The following KIF26B variants were observed in gnomAD, a reference collection of about 807,000 sequenced individuals.
KIF26B encodes kinesin-like protein KIF26B.
KIF26B carries 63 observed loss-of-function variants against 151.2 expected under a neutral mutation model. The ratio of observed to expected loss-of-function variants is 0.42; its 90% CI spans 0.34 to 0.51. The LOEUF is 0.51. Among genes scored for constraint, KIF26B ranks in the 20% least tolerant of loss-of-function variants. The probability of loss-of-function intolerance (pLI) is 0.07; values close to 1 mark genes in which losing one functional copy is unlikely to be tolerated. For missense variants in KIF26B, 2,813 were observed against 2,913.6 expected, an observed-to-expected ratio of 0.97 and a Z score of 0.79; for synonymous variants, 1,357 against 1,262.1, an observed-to-expected ratio of 1.08 and a Z score of -1.59.
At chr1:245,607,606 C>T in intron 6 of KIF26B, 45 bp from the exon 7 acceptor site, 1 of 1,506,680 alleles carries the variant, frequency 6.6e-7, no homozygotes, top group Non-Finnish European at 9.1e-7. Context: ...GGTGTCTCCG[C>T]TGCGAGGTCC....
chr1:245,328,264 C>T (rs1010056401), intron 2 of KIF26B, among the ~76,000 whole-genome samples: 5 of 151,822 alleles, frequency 3.3e-5, no homozygotes, highest in Non-Finnish European at 7.4e-5. Flanking sequence ...AGGGGGGTCC[C>T]AGGCCTAACA....
intron 2 of KIF26B, among the ~76,000 whole-genome samples, chr1:245,282,122 A>G (rs1671067158): frequency 6.6e-6 from 1 of 152,156 alleles, no homozygotes. Context: ...AGAACATTCC[A>G]TGCTCATGGG....
intron 4 of KIF26B, among the ~76,000 whole-genome samples, chr1:245,472,578 A>G (rs1196786441): frequency 6.6e-6 from 1 of 152,194 alleles, no homozygotes; most frequent in Non-Finnish European, 1.5e-5. Context: ...ATTCTGGAGC[A>G]TTTTGGGTTA....
chr1:245,434,869 G>A (rs1658865604), intron 4 of KIF26B, among the ~76,000 whole-genome samples: 1 of 152,058 alleles, frequency 6.6e-6, no homozygotes, highest in African/African-American at 2.4e-5. Flanking sequence ...TCTTATGGCT[G>A]TTACCTAGAG....
intron 2 of KIF26B, among the ~76,000 whole-genome samples, chr1:245,364,143 G>A (rs916232790): frequency 2.6e-5 from 4 of 152,292 alleles, no homozygotes; most frequent in East Asian, 1.9e-4. Flanking sequence ...CCCCCAGCCT[G>A]GGGCAACACT....
Position 245,685,976 on chromosome 1 carries a change from C to A in KIF26B, c.2993C>A (p.Ala998Asp). ...AACAGAGAAGGCCCTGAACTCCCAG[C>A]CTCCAAGATGCAGAGGAGTCACTCA... is the stretch of plus-strand genomic sequence containing the variant. ...LTNREGPELP[A>D]SKMQRSHSPV... The change falls in exon 12 of 15, where the codon GCC (alanine) becomes GAC (aspartate). Residue 998 changes from alanine (A) to aspartate (D), a missense_variant. This residue lies in a region of KIF26B where 2,060 missense variants were observed against 2,088.6 expected (regional missense o/e 0.99). Transcript: ENST00000407071. 2 of 1,600,022 alleles carry A rather than the reference C, an allele frequency of 1.2e-6. No homozygotes were observed. The highest frequency in any genetic ancestry group is 1.7e-6 in the Non-Finnish European group (2 of 1,173,728).
At position 245,227,747 on chromosome 1, in the gene KIF26B, T is replaced by C. The variant is rs2103552775; in HGVS notation, c.465+71064T>C. 6.6e-6 allele frequency among the ~76,000 whole-genome samples: 1 copy of C among 152,258 alleles called. No homozygotes were observed. Among genetic ancestry groups the C allele is most frequent in the Non-Finnish European group, 1.5e-5 (1 of 68,034 alleles). On this transcript the variant is annotated intron_variant, in intron 2 of 14. Coordinates refer to ENST00000407071, the MANE Select transcript of KIF26B (RefSeq NM_018012.4). The surrounding 1 kb of genome is among the most constrained non-coding windows in gnomAD (Gnocchi z 4.1). ...TGGGTGTGGTGGCTCACGCCTGTGA[T>C]TCCAGCACTTTAGGAGGCTGAGGTG... is the stretch of plus-strand genomic sequence containing the variant.
chr1:245,327,872 A>C (rs1025188852), intron 2 of KIF26B, among the ~76,000 whole-genome samples: 1 of 152,218 alleles, frequency 6.6e-6, no homozygotes, highest in African/African-American at 2.4e-5. Flanking sequence ...TTTCAGTGGC[A>C]AAATGAGCTT....
intron 10 of KIF26B, among the ~76,000 whole-genome samples, chr1:245,653,842 T>C (rs1466470255): frequency 6.6e-6 from 1 of 152,116 alleles, no homozygotes; most frequent in African/African-American, 2.4e-5. Context: ...GGAGGATCAC[T>C]TGAGCCCAGG....
intron 2 of KIF26B, among the ~76,000 whole-genome samples, chr1:245,284,981 G>A (rs149700200): frequency 4.5e-4 from 68 of 152,368 alleles, no homozygotes; most frequent in African/African-American, 1.5e-3. Flanking sequence ...GGAGGTTGCG[G>A]TGAGCAGAGA....
rs1308229463 is a variant in KIF26B at position 245,457,191 on chromosome 1, TGACC to T, written c.1166+37447_1166+37450del. 5.8e-4 allele frequency among the ~76,000 whole-genome samples: 89 copies of T among 152,294 alleles called. 1 individual carries two copies. The East Asian group carries it at 7.5e-3, about 13-fold the overall frequency. ...CATAAATGCTTTTTTAATGAGAGAA[TGACC>T]TATTATCTAAACATAATTGATGTAC... On this transcript the variant is annotated intron_variant, in intron 4 of 14. Transcript: ENST00000407071.
chr1:245,202,480 C>T (rs866922861), intron 2 of KIF26B, among the ~76,000 whole-genome samples: 7 of 152,128 alleles, frequency 4.6e-5, no homozygotes, highest in South Asian at 2.1e-4. Flanking sequence ...TTGAAGTGGC[C>T]GGGCGCAGTG....
At chr1:245,543,301 GATTTCATGATGTACCAT>G (rs1255835254) in intron 5 of KIF26B, among the ~76,000 whole-genome samples, 2 of 152,316 alleles carry the variant, frequency 1.3e-5, no homozygotes, top group African/African-American at 4.8e-5. Context: ...GTCCAATCTT[GATTTCATGATGTACCAT>G]ATGTAGTGAC....
chr1:245,243,595 AC>A (rs1166931586), intron 2 of KIF26B, among the ~76,000 whole-genome samples: 1 of 152,108 alleles, frequency 6.6e-6, no homozygotes, highest in Non-Finnish European at 1.5e-5. Context: ...AAAAGTTTTA[AC>A]TTCAATAAAG....
At chr1:245,221,363 T>C (rs550527819) in intron 2 of KIF26B, among the ~76,000 whole-genome samples, 1 of 142,376 alleles carries the variant, frequency 7.0e-6, no homozygotes, top group Non-Finnish European at 1.5e-5. Flanking sequence ...GTGGCCTTTC[T>C]CTGAAGTTTG....
At chr1:245,672,493 T>C (rs1037843961) in intron 10 of KIF26B, among the ~76,000 whole-genome samples, 6 of 152,310 alleles carry the variant, frequency 3.9e-5, no homozygotes, top group East Asian at 3.9e-4. Context: ...CCTAATGAGC[T>C]GGTTTCTGTC....
rs970517843 is a variant in KIF26B, at chr1:245,512,914, A to G, written c.1167-27853A>G. On this transcript the variant is annotated intron_variant, in intron 4 of 14. Transcript: ENST00000407071. This position sits in a 1 kb window ranked among gnomAD's most constrained non-coding sequence, Gnocchi z 4.3. ...TCATTAAAAAACAATGACTAAAAAC[A>G]GAATAATTTTCTTACCCAAATTCCA... Among the ~76,000 whole-genome samples, 5 of 152,168 alleles carry G rather than the reference A, an allele frequency of 3.3e-5. No individual in the cohort carries two copies. The highest frequency in any genetic ancestry group is 1.2e-4 in the African/African-American group (5 of 41,450).
At chr1:245,645,987 C>T (rs1316364939) in intron 9 of KIF26B, 134 bp from the exon 10 acceptor site, 16 of 905,406 alleles carry the variant, frequency 1.8e-5, no homozygotes, top group Non-Finnish European at 2.6e-5. Context: ...CTGGGGTTTC[C>T]TAGTAGGTCA....
chr1:245,392,043 A>G (rs962353330), intron 3 of KIF26B, among the ~76,000 whole-genome samples: 1 of 149,028 alleles, frequency 6.7e-6, no homozygotes, highest in African/African-American at 2.5e-5. Context: ...CAATAAATAC[A>G]TAGAAAACAA....
Sources: allele counts gnomAD v4.1 joint callset (sites outside exome capture counted in the v4.1 genomes callset), GRCh38; gene constraint gnomAD v4.1.1; regional missense constraint gnomAD v4.1.1; non-coding constraint Gnocchi (gnomAD v3.1); transcripts MANE v1.5; gene names NCBI Gene and HGNC (gene_info 2026-07-23, HGNC 2026-07-21).